SNTG2: variants seen among roughly 807,000 people sequenced by gnomAD.
The protein encoded by SNTG2 is syntrophin gamma 2.
SNTG2 carries 74 observed loss-of-function variants against 70.9 expected under a neutral mutation model. That is an observed-to-expected ratio of 1.04 (90% CI 0.86 to 1.27). The LOEUF (loss-of-function observed/expected upper bound fraction) is 1.27. Ranked by LOEUF, SNTG2 falls within the 50% of genes most tolerant of loss-of-function variation. The pLI, the probability that SNTG2 is intolerant of heterozygous loss-of-function variation, is 0.00. For synonymous variants in SNTG2, 278 were observed against 273.8 expected (o/e 1.02, Z -0.15); for missense variants, 717 against 690.7 (o/e 1.04, Z -0.43).
intron 1 of SNTG2, among the ~76,000 whole-genome samples, chr2:1,052,341 C>A (rs1213900139): frequency 6.6e-6 from 1 of 152,108 alleles, no homozygotes; most frequent in Non-Finnish European, 1.5e-5. Context: ...TCTGTTTTAG[C>A]AAATTGCATG....
intron 1 of SNTG2, among the ~76,000 whole-genome samples, chr2:990,084 C>A (rs544843101): frequency 1.1e-4 from 16 of 152,348 alleles, no homozygotes; most frequent in African/African-American, 3.6e-4. Context: ...CCTTTGCTAA[C>A]CTTTGACCTT....
intron 13 of SNTG2, among the ~76,000 whole-genome samples, chr2:1,266,751 C>CT (rs59679083): frequency 9.3e-6 from 1 of 107,752 alleles, no homozygotes; most frequent in African/African-American, 3.6e-5. Context: ...TCATCTTTAT[C>CT]TTTTTTTTTT....
chr2:1,279,253 A>C (rs1407692781), intron 14 of SNTG2, among the ~76,000 whole-genome samples: 1 of 152,252 alleles, frequency 6.6e-6, no homozygotes, highest in East Asian at 1.9e-4. Flanking sequence ...AGTCACTCTT[A>C]TCGGATGTAG....
intron 1 of SNTG2, among the ~76,000 whole-genome samples, chr2:965,793 C>G (rs911899697): frequency 3.3e-5 from 5 of 152,136 alleles, no homozygotes; most frequent in Non-Finnish European, 5.9e-5. Context: ...CCAGAAGGAC[C>G]TGTATGGGGG....
chr2:1,211,406 G>T (rs1572737046), intron 9 of SNTG2, among the ~76,000 whole-genome samples: 6 of 152,272 alleles, frequency 3.9e-5, no homozygotes, highest in South Asian at 2.1e-4. Context: ...TTCTAGCTTT[G>T]GTTTAAGGAT....
intron 1 of SNTG2, among the ~76,000 whole-genome samples, chr2:1,024,655 T>G (rs1000399324): frequency 1.2e-4 from 18 of 152,334 alleles, no homozygotes; most frequent in Admixed American, 9.8e-4. Context: ...ATTACAGGCA[T>G]GAGCCACCGT....
intron 14 of SNTG2, among the ~76,000 whole-genome samples, chr2:1,279,741 C>T (rs1679438759): frequency 6.6e-6 from 1 of 152,212 alleles, no homozygotes; most frequent in Non-Finnish European, 1.5e-5. Flanking sequence ...ATCCACCTAA[C>T]CCAGGGTGAC....
intron 4 of SNTG2, 131 bp from the exon 5 acceptor site, chr2:1,137,491 C>A: frequency 1.2e-6 from 1 of 845,864 alleles, no homozygotes; most frequent in Non-Finnish European, 1.9e-6. Flanking sequence ...CATCTGCTCA[C>A]GTGGACACAT....
intron 1 of SNTG2, among the ~76,000 whole-genome samples, chr2:982,420 T>A (rs1434095243): frequency 6.6e-6 from 1 of 152,228 alleles, no homozygotes; most frequent in African/African-American, 2.4e-5. Flanking sequence ...GACACGGGCA[T>A]GTCCCAGCCC....
In SNTG2 at chr2:1,247,315, A is replaced by AAAGGTTT; in HGVS notation, c.889-12_889-11insAAGGTTT. On this transcript the variant is annotated splice_polypyrimidine_tract_variant and intron_variant, in intron 11 of 16. Transcript: ENST00000308624. ...CATTAAGGCTTGGTTTGTAATTTTC[A>AAAGGTTT]CCCCTCTGCAGGTTGTGCATATGGG... The AAAGGTTT allele has an allele frequency of 6.4e-7, 1 of 1,572,618 alleles. No homozygotes were observed. The highest frequency in any genetic ancestry group is 8.7e-7 in the Non-Finnish European group (1 of 1,143,594).
At chr2:1,276,735 T>A (rs1206165291) in intron 14 of SNTG2, among the ~76,000 whole-genome samples, 1 of 152,214 alleles carries the variant, frequency 6.6e-6, no homozygotes, top group Non-Finnish European at 1.5e-5. Flanking sequence ...CATAAGGTTA[T>A]AGCTGCCATA....
intron 6 of SNTG2, chr2:1,163,544 G>A (rs1670487072): frequency 1.3e-5 from 2 of 152,114 alleles, no homozygotes; most frequent in South Asian, 4.2e-4. Context: ...AACAGGAAGT[G>A]GGCGTGTGAA....
intron 1 of SNTG2, among the ~76,000 whole-genome samples, chr2:1,018,750 TAATAA>T (rs1434767980): frequency 2.0e-5 from 3 of 152,144 alleles, no homozygotes; most frequent in Non-Finnish European, 2.9e-5. Flanking sequence ...TTAATAATAA[TAATAA>T]AATAAAAAGA....
chr2:1,262,775 C>G (rs1271774929), intron 13 of SNTG2: 8 of 149,718 alleles, frequency 5.3e-5, no homozygotes, highest in African/African-American at 2.0e-4. Flanking sequence ...CCGAAGGCTC[C>G]GTGCAGACGA....
intron 11 of SNTG2, among the ~76,000 whole-genome samples, chr2:1,244,348 CT>C (rs1321690915): frequency 6.6e-6 from 1 of 152,120 alleles, no homozygotes; most frequent in Non-Finnish European, 1.5e-5. Flanking sequence ...ATTGGTGTGA[CT>C]CCTCGTAATA....
chr2:1,208,928 C>T (rs1422729046), intron 8 of SNTG2, among the ~76,000 whole-genome samples, 175 bp from the exon 9 acceptor site: 2 of 152,110 alleles, frequency 1.3e-5, no homozygotes, highest in East Asian at 1.9e-4. Context: ...TGTCTTAAAT[C>T]CGGGTAGAAG....
intron 1 of SNTG2, among the ~76,000 whole-genome samples, chr2:1,027,666 C>T (rs528615234): frequency 8.7e-5 from 10 of 115,060 alleles, no homozygotes; most frequent in East Asian, 2.6e-4. Context: ...AGGTGCATCA[C>T]TGAAGGTGCG....
intron 1 of SNTG2, among the ~76,000 whole-genome samples, chr2:1,059,952 T>C (rs888318903): frequency 1.3e-5 from 2 of 152,084 alleles, no homozygotes; most frequent in African/African-American, 4.8e-5. Context: ...ATAGGAGATA[T>C]ATAAGAAAAG....
chr2:1,360,427 G>A (rs1269644754), intron 16 of SNTG2, among the ~76,000 whole-genome samples: 1 of 152,190 alleles, frequency 6.6e-6, no homozygotes, highest in Non-Finnish European at 1.5e-5. Context: ...TCTCTCTGGG[G>A]TGTGTTCCTT....
Sources: gnomAD v4.1 joint callset for allele counts (sites outside exome capture counted in the v4.1 genomes callset) on GRCh38, gnomAD v4.1.1 for gene constraint, MANE v1.5 for transcripts, NCBI Gene and HGNC (gene_info 2026-07-23, HGNC 2026-07-21) for gene names.